SMURF1: variants seen among roughly 807,000 people sequenced by gnomAD.
SMURF1 encodes the protein SMAD specific E3 ubiquitin protein ligase 1.
Under a neutral mutation model 98.0 loss-of-function variants are expected in SMURF1, and 44 were observed. The observed-to-expected ratio is 0.45, with a 90% CI of 0.35 to 0.58. The LOEUF (loss-of-function observed/expected upper bound fraction) is 0.58. Among genes scored for constraint, SMURF1 ranks in the 20% least tolerant of loss-of-function variants. The pLI is 0.00. For missense variants in SMURF1, 687 were observed against 938.4 expected (o/e 0.73, Z 3.50); for synonymous variants, 396 against 374.9 (o/e 1.06, Z -0.65).
Position 99,035,516 on chromosome 7 carries a change from T to C in SMURF1, c.2010A>G (p.Gln670=). 1.2e-6 allele frequency: 2 copies of C among 1,614,154 alleles called. No homozygotes were observed. Among genetic ancestry groups the C allele is most frequent in the Non-Finnish European group, 1.7e-6 (2 of 1,180,044 alleles). The change falls in exon 16 of 18, where the codon CAA becomes CAG. Residue 670 remains glutamine (Q), a splice_region_variant and synonymous_variant. Coordinates refer to ENST00000361368, the MANE Select transcript of SMURF1 (RefSeq NM_181349.3). ...RVPLQGFKAL[Q]GSTGAAGPRL... Reference sequence around the variant, plus strand: ...TAGCCCTGCCTCCACGTCAGTCACCTTGCAAAGCCTTGAAGCCTTGGAGCG... The same window carrying C: ...TAGCCCTGCCTCCACGTCAGTCACCCTGCAAAGCCTTGAAGCCTTGGAGCG...
In SMURF1 at chr7:99,035,665, T is replaced by A; in HGVS notation, c.1861A>T (p.Thr621Ser). Residue 621 changes from threonine (T) to serine (S), a missense_variant, in exon 16 of 18, where the codon ACG (threonine) becomes TCG (serine). Thr to Ser is a moderately conservative substitution (Grantham distance 58). Transcript: ENST00000361368. ...KIDLNDWKSN[T>S]RLKHCVADSN... ...TCGGCCACACAGTGCTTCAGCCGCG[T>A]GTTCGACTTCCAGTCGTTCAAGTCT... 3 of 1,614,224 alleles carry A rather than the reference T, an allele frequency of 1.9e-6. No homozygotes were observed. The highest frequency in any genetic ancestry group is 2.5e-6 in the Non-Finnish European group (3 of 1,180,032).
At chr7:99,100,599 G>C (rs1377407549) in intron 1 of SMURF1, among the ~76,000 whole-genome samples, 2 of 152,160 alleles carry the variant, frequency 1.3e-5, no homozygotes, top group Non-Finnish European at 2.9e-5. Context: ...ATGCAGTTCA[G>C]AATTCTCAGC....
At position 99,038,477 on chromosome 7, in the gene SMURF1, G is replaced by A; in HGVS notation, c.1599C>T (p.His533=). ...PVLDHTFCVE[H]NAFGRILQHE... ...GCTGCAGGATCCGCCCGAAGGCGTT[G>A]TGTTCCACGCAGAAGGTGTGGTCCA... is the stretch of plus-strand genomic sequence containing the variant. Residue 533 remains histidine, a synonymous_variant, in exon 14 of 18, where the codon CAC becomes CAT. Coordinates refer to ENST00000361368, the MANE Select transcript of SMURF1 (RefSeq NM_181349.3). 1 of 1,614,270 alleles carries A rather than the reference G, an allele frequency of 6.2e-7. No homozygotes were observed. The highest frequency in any genetic ancestry group is 8.5e-7 in the Non-Finnish European group (1 of 1,180,046).
At chr7:99,139,286 A>G (rs1461164606) in intron 1 of SMURF1, among the ~76,000 whole-genome samples, 1 of 152,214 alleles carries the variant, frequency 6.6e-6, no homozygotes, top group Non-Finnish European at 1.5e-5. Flanking sequence ...TTTTAAAAAC[A>G]ACCTCATATT....
chr7:99,059,040 C>G (rs550471309), intron 3 of SMURF1, among the ~76,000 whole-genome samples: 1 of 151,996 alleles, frequency 6.6e-6, no homozygotes, highest in Admixed American at 6.6e-5. Context: ...GCCAAGATTG[C>G]GCCACTGCGC....
Position 99,113,612 on chromosome 7 carries a change from G to A in SMURF1, c.55+30114C>T, listed in dbSNP as rs150722327. Among the ~76,000 whole-genome samples the A allele has an allele frequency of 7.4e-3, 1,124 of 151,960 alleles. 10 individuals are homozygous for A. The highest frequency in any genetic ancestry group is 0.026 in the African/African-American group (1,090 of 41,438). On this transcript the variant is annotated intron_variant, in intron 1 of 17. Transcript: ENST00000361368. The stretch of plus-strand genomic sequence containing the variant: ...TCCCAGCACTTTGGGAGTCCAAGGC[G>A]GGCAGATCACAAGGTCAGGAGATCG...
chr7:99,107,069 G>C (rs1797209078), intron 1 of SMURF1, among the ~76,000 whole-genome samples: 1 of 152,204 alleles, frequency 6.6e-6, no homozygotes, highest in African/African-American at 2.4e-5. Flanking sequence ...GAAGGAACAA[G>C]ATTGAACAAA....
At chr7:99,121,958 C>T (rs927620979) in intron 1 of SMURF1, among the ~76,000 whole-genome samples, 3 of 152,172 alleles carry the variant, frequency 2.0e-5, no homozygotes, top group African/African-American at 4.8e-5. Flanking sequence ...ACTGCGCCAT[C>T]TTGGTAGCTG....
chr7:99,090,137 C>G (rs544288067), intron 1 of SMURF1, among the ~76,000 whole-genome samples: 1 of 152,204 alleles, frequency 6.6e-6, no homozygotes, highest in Admixed American at 6.5e-5. Context: ...ATGCTTCCCA[C>G]GCGCACTACT....
In SMURF1 at chr7:99,071,342, G is replaced by A. The variant is rs180867177; in HGVS notation, c.56-9505C>T. ...CACAAAGTGCTGGGATTACAGGCGT[G>A]AGCCACCGCGCCCGGCCAAAAACGG... On this transcript the variant is annotated intron_variant, in intron 1 of 17. Transcript: ENST00000361368. Among the ~76,000 whole-genome samples the A allele has an allele frequency of 5.2e-3, 790 of 152,296 alleles. 10 individuals carry two copies. The highest frequency in any genetic ancestry group is 0.018 in the African/African-American group (732 of 41,566).
chr7:99,073,671 C>G (rs1219731450), intron 1 of SMURF1, among the ~76,000 whole-genome samples: 1 of 151,312 alleles, frequency 6.6e-6, no homozygotes, highest in Non-Finnish European at 1.5e-5. Flanking sequence ...GAGGCTAAGG[C>G]AGGACAATCG....
intron 1 of SMURF1, among the ~76,000 whole-genome samples, chr7:99,110,222 A>C (rs1001566200): frequency 5.3e-5 from 8 of 152,370 alleles, no homozygotes; most frequent in Admixed American, 5.2e-4. Context: ...TTAAAGCAAC[A>C]GTGAAAAAAG....
chr7:99,089,536 G>A (rs1796764787), intron 1 of SMURF1, among the ~76,000 whole-genome samples: 1 of 152,072 alleles, frequency 6.6e-6, no homozygotes, highest in African/African-American at 2.4e-5. Flanking sequence ...AGCTACTCAG[G>A]AGGCTGAGGT....
intron 1 of SMURF1, among the ~76,000 whole-genome samples, chr7:99,099,022 T>A (rs1381475926): frequency 2.0e-5 from 3 of 152,122 alleles, no homozygotes; most frequent in Non-Finnish European, 4.4e-5. Flanking sequence ...AGGGAGTAGA[T>A]CATTCTATAG....
At chr7:99,085,879 T>C (rs1796668784) in intron 1 of SMURF1, among the ~76,000 whole-genome samples, 1 of 152,200 alleles carries the variant, frequency 6.6e-6, no homozygotes, top group Non-Finnish European at 1.5e-5. Flanking sequence ...CTTCTTTCAC[T>C]TACAATTCTT....
chr7:99,085,176 C>G (rs1269787859), intron 1 of SMURF1, among the ~76,000 whole-genome samples: 1 of 151,768 alleles, frequency 6.6e-6, no homozygotes, highest in Non-Finnish European at 1.5e-5. Flanking sequence ...CATGGCTAAA[C>G]CCCGTCTCTA....
rs765900524 is a variant in SMURF1 at position 99,038,518 on chromosome 7, C to T, written c.1558G>A (p.Asp520Asn). The T allele has an allele frequency of 5.0e-6, 8 of 1,613,784 alleles. No homozygotes were observed. The highest frequency in any genetic ancestry group is 6.8e-6 in the Non-Finnish European group (8 of 1,179,848). The part of the protein sequence containing the change: ...HKSLVWILEN[D>N]ITPVLDHTFC... ...GTGTGGTCCAGTACAGGCGTGATGT[C>T]GTTCTCTCTGTTGAAATAAGACAGA... The change falls in exon 14 of 18, where the codon GAC becomes AAC. Residue 520 changes from aspartate (D) to asparagine (N), a missense_variant. Asp to Asn is a conservative substitution (Grantham distance 23). This residue lies in a region of SMURF1 where 272 missense variants were observed against 430.0 expected (regional missense o/e 0.63). Coordinates refer to ENST00000361368, the MANE Select transcript of SMURF1 (RefSeq NM_181349.3).
intron 3 of SMURF1, among the ~76,000 whole-genome samples, 179 bp downstream of exon 3, chr7:99,060,420 C>T (rs796639251): frequency 5.4e-5 from 8 of 149,068 alleles, no homozygotes; most frequent in African/African-American, 2.0e-4. Flanking sequence ...TAACAAAATG[C>T]AAGAACTTCC....
chr7:99,131,837 G>A (rs1797878425), intron 1 of SMURF1, among the ~76,000 whole-genome samples: 1 of 152,152 alleles, frequency 6.6e-6, no homozygotes, highest in Non-Finnish European at 1.5e-5. Flanking sequence ...AGATAAGGCT[G>A]TGGGGTAGGG....
Sources: allele counts gnomAD v4.1 joint callset (sites outside exome capture counted in the v4.1 genomes callset), GRCh38; gene constraint gnomAD v4.1.1; regional missense constraint gnomAD v4.1.1; transcripts MANE v1.5; gene names NCBI Gene and HGNC (gene_info 2026-07-23, HGNC 2026-07-21).